TRAF3: variants seen among roughly 807,000 people sequenced by gnomAD.
The protein encoded by TRAF3 is TNF receptor associated factor 3.
TRAF3 carries 13 observed loss-of-function variants against 62.3 expected under a neutral mutation model. That is an observed-to-expected ratio of 0.21 (90% confidence interval 0.14 to 0.33). The LOEUF (loss-of-function observed/expected upper bound fraction) is 0.33. TRAF3 is among the 10% of genes least tolerant of loss of function. The probability of loss-of-function intolerance (pLI) is 1.00; values close to 1 mark genes in which losing one functional copy is unlikely to be tolerated. For missense variants in TRAF3, 440 were observed against 741.8 expected, an observed-to-expected ratio of 0.59 and a Z score of 4.73; for synonymous variants, 269 against 283.4, an observed-to-expected ratio of 0.95 and a Z score of 0.51.
At chr14:102,877,299 G>T (rs1395127561) in intron 6 of TRAF3, among the ~76,000 whole-genome samples, 2 of 147,324 alleles carry the variant, frequency 1.4e-5, no homozygotes, top group Non-Finnish European at 3.0e-5. Flanking sequence ...CATTCCACAG[G>T]CCTTCCGCTC....
chr14:102,868,300 T>C (rs1038616390), intron 2 of TRAF3, among the ~76,000 whole-genome samples: 4 of 152,174 alleles, frequency 2.6e-5, no homozygotes, highest in Non-Finnish European at 4.4e-5. Context: ...GTGCAGCAGC[T>C]ACTGATGTGA....
intron 1 of TRAF3, among the ~76,000 whole-genome samples, chr14:102,818,800 T>C (rs1899707330): frequency 6.6e-6 from 1 of 152,134 alleles, no homozygotes; most frequent in Non-Finnish European, 1.5e-5. Context: ...ATTTCAAAAT[T>C]GCTAAAGAGT....
intron 1 of TRAF3, among the ~76,000 whole-genome samples, chr14:102,822,707 A>G (rs1900055360): frequency 6.6e-6 from 1 of 152,210 alleles, no homozygotes; most frequent in African/African-American, 2.4e-5. Flanking sequence ...TTCCTGCGGA[A>G]AACAGAAACA....
intron 1 of TRAF3, among the ~76,000 whole-genome samples, chr14:102,809,832 C>T (rs1171661752): frequency 6.6e-6 from 1 of 152,110 alleles, no homozygotes; most frequent in African/African-American, 2.4e-5. Context: ...GCTTGGCCCA[C>T]AGCATAGACT....
chr14:102,902,002 T>G (rs1890328083), intron 10 of TRAF3, among the ~76,000 whole-genome samples: 1 of 152,214 alleles, frequency 6.6e-6, no homozygotes, highest in Admixed American at 6.5e-5. Flanking sequence ...GTGAAAACCC[T>G]TTAAGTCCCT....
At chr14:102,786,133 T>A (rs1896729284) in intron 1 of TRAF3, among the ~76,000 whole-genome samples, 1 of 152,180 alleles carries the variant, frequency 6.6e-6, no homozygotes, top group Admixed American at 6.6e-5. Context: ...TGAATTCTGG[T>A]CTGTCCTTCA....
At chr14:102,856,017 A>C (rs1172977636) in intron 2 of TRAF3, among the ~76,000 whole-genome samples, 1 of 149,896 alleles carries the variant, frequency 6.7e-6, no homozygotes, top group Admixed American at 6.7e-5. Flanking sequence ...GCCTGAGCCC[A>C]GGAGTTCAAG....
At chr14:102,829,649 C>T (rs766070726) in intron 1 of TRAF3, among the ~76,000 whole-genome samples, 18 of 152,178 alleles carry the variant, frequency 1.2e-4, no homozygotes, top group African/African-American at 2.4e-4. Context: ...GGCTTGTTTC[C>T]GGTAACACTT....
chr14:102,886,336 C>G (rs576718400), intron 7 of TRAF3, 67 bp downstream of exon 7: 1 of 1,371,758 alleles, frequency 7.3e-7, no homozygotes, highest in South Asian at 1.2e-5. Flanking sequence ...GCTCCCCTTC[C>G]CTGCATAGCC....
rs936477848 is a variant in TRAF3, at chr14:102,905,494, C to T, written c.1417C>T (p.Leu473=). Residue 473 remains leucine, a synonymous_variant, in exon 12 of 12, where the codon CTG becomes TTG. Coordinates refer to ENST00000392745, the MANE Select transcript of TRAF3 (RefSeq NM_145725.3). ...DGMGKGTHLS[L]FFVIMRGEYD... ...GATGGGGAAGGGGACGCACTTGTCG[C>T]TGTTTTTTGTCATCATGCGTGGAGA... 1.9e-6 allele frequency: 3 copies of T among 1,614,088 alleles called. No individual in the cohort carries two copies. Among genetic ancestry groups the T allele is most frequent in the African/African-American group, 2.7e-5 (2 of 74,924 alleles).
chr14:102,859,193 CAAA>C (rs34556286), intron 2 of TRAF3, among the ~76,000 whole-genome samples: 3 of 143,868 alleles, frequency 2.1e-5, no homozygotes, highest in Admixed American at 1.4e-4. Context: ...TAATTTAGGC[CAAA>C]AAAAAAAAAA....
intron 1 of TRAF3, among the ~76,000 whole-genome samples, chr14:102,823,456 A>G (rs1900102688): frequency 6.6e-6 from 1 of 152,234 alleles, no homozygotes; most frequent in Admixed American, 6.5e-5. Flanking sequence ...TATATTTTAT[A>G]TTAAAATTAA....
At chr14:102,842,066 G>A (rs1886402736) in intron 2 of TRAF3, among the ~76,000 whole-genome samples, 1 of 151,848 alleles carries the variant, frequency 6.6e-6, no homozygotes, top group South Asian at 2.1e-4. Flanking sequence ...CCAACATGGC[G>A]AAACCTCGTC....
At position 102,808,575 on chromosome 14, in the gene TRAF3, C is replaced by T. The variant is rs956041374; in HGVS notation, c.-156-21759C>T. Among the ~76,000 whole-genome samples, 23 of 151,832 alleles carry T rather than the reference C, an allele frequency of 1.5e-4. 1 individual carries two copies. The highest frequency in any genetic ancestry group is 5.6e-4 in the African/African-American group (23 of 41,332). ...AGGTGCTAGAGGGCTTCCAAGGCAG[C>T]CTCCAAGGGAAGGAAATGTCTGAGA... is the stretch of plus-strand genomic sequence containing the variant. On this transcript the variant is annotated intron_variant, in intron 1 of 11. Coordinates refer to ENST00000392745, the MANE Select transcript of TRAF3 (RefSeq NM_145725.3).
At chr14:102,840,338 CT>C (rs1293899589) in intron 2 of TRAF3, among the ~76,000 whole-genome samples, 1 of 152,172 alleles carries the variant, frequency 6.6e-6, no homozygotes, top group Non-Finnish European at 1.5e-5. Flanking sequence ...TCAAGTGATC[CT>C]CCAGCCTCAG....
chr14:102,782,097 C>G (rs1897297159), intron 1 of TRAF3, among the ~76,000 whole-genome samples: 1 of 151,112 alleles, frequency 6.6e-6, no homozygotes, highest in East Asian at 2.0e-4. Context: ...CCCAGCCTTC[C>G]CAGCTGATTT....
chr14:102,884,964 C>T (rs536351139), intron 6 of TRAF3, among the ~76,000 whole-genome samples: 3 of 152,318 alleles, frequency 2.0e-5, no homozygotes, highest in South Asian at 4.1e-4. Flanking sequence ...TCCCCTGATA[C>T]TGGGAGTGGA....
chr14:102,813,660 A>G (rs1177604681), intron 1 of TRAF3, among the ~76,000 whole-genome samples: 1 of 151,976 alleles, frequency 6.6e-6, no homozygotes, highest in Non-Finnish European at 1.5e-5. Flanking sequence ...CATGTTGGCC[A>G]GGCTGGTCTT....
chr14:102,778,091 G>T (rs1282945725), intron 1 of TRAF3, among the ~76,000 whole-genome samples: 1 of 150,342 alleles, frequency 6.7e-6, no homozygotes, highest in African/African-American at 2.4e-5. Flanking sequence ...GTGGCCGAGC[G>T]CGCTGCCCGG....
Sources: gnomAD v4.1 joint callset for allele counts (sites outside exome capture counted in the v4.1 genomes callset) on GRCh38, gnomAD v4.1.1 for gene constraint, MANE v1.5 for transcripts, NCBI Gene and HGNC (gene_info 2026-07-23, HGNC 2026-07-21) for gene names.